The following ZNF536 variants were observed in gnomAD, a reference collection of about 807,000 sequenced individuals.
ZNF536 encodes zinc finger protein 536.
ZNF536 carries 13 observed loss-of-function variants against 84.5 expected under a neutral mutation model. That is an observed-to-expected ratio of 0.15 (90% CI 0.10 to 0.24). The LOEUF (loss-of-function observed/expected upper bound fraction) is 0.24. ZNF536 is among the 10% of genes least tolerant of loss of function. The pLI is 1.00. For missense variants in ZNF536, 1,536 were observed against 1,747.5 expected (o/e 0.88, Z 2.16); for synonymous variants, 811 against 742.5 (o/e 1.09, Z -1.50).
rs2146228979 is a variant in ZNF536, at chr19:30,548,966, G to A, written c.3347G>A (p.Gly1116Asp). The A allele has an allele frequency of 2.5e-6, 4 of 1,614,110 alleles. No individual in the cohort carries two copies. Among genetic ancestry groups the A allele is most frequent in the Non-Finnish European group, 3.4e-6 (4 of 1,180,028 alleles). The change falls in exon 4 of 5, where the codon GGT (glycine) becomes GAT (aspartate). Residue 1116 changes from glycine to aspartate, a missense_variant. By Grantham distance (94) the Gly-to-Asp change is moderately conservative (BLOSUM62 -1). Around this residue, in one of 8 missense-constraint regions of ZNF536, gnomAD observed 624 missense variants for 603.1 expected, o/e 1.03. Transcript: ENST00000355537. ...NFPSDFYKQF[G>D]VYPGMVGSGA... ...CCATCAGACTTCTACAAGCAGTTTG[G>A]TGTTTACCCAGGCATGGTTGGCTCA...
chr19:30,245,169 C>T (rs971725098), intron 1 of ZNF536, among the ~76,000 whole-genome samples: 2 of 152,224 alleles, frequency 1.3e-5, no homozygotes, highest in African/African-American at 2.4e-5. Context: ...CTCATCCTCA[C>T]CTTTTACCTG....
chr19:30,633,405 C>G (rs528400851), intron 1 of ZNF536, among the ~76,000 whole-genome samples: 7 of 152,170 alleles, frequency 4.6e-5, no homozygotes, highest in African/African-American at 1.7e-4. Context: ...AAATATTTAA[C>G]TTTTTTTATA....
At chr19:30,458,606 C>G (rs568562136) in intron 2 of ZNF536, among the ~76,000 whole-genome samples, 4 of 152,064 alleles carry the variant, frequency 2.6e-5, no homozygotes, top group Non-Finnish European at 5.9e-5. Context: ...GCATATGCCA[C>G]CACACCAGGC....
chr19:30,540,691 C>T lies in ZNF536; in HGVS notation c.2323+5692C>T, dbSNP rs562793245. 2.0e-5 allele frequency among the ~76,000 whole-genome samples: 3 copies of T among 152,352 alleles called. No individual in the cohort carries two copies. The East Asian group carries it at 5.8e-4, about 29-fold the overall frequency. ...GCCTAATTCAGAATCTCATTCTCTTCACCGCTGCATTGTATTGCTACTTTT... is the reference window on the plus strand; with the variant it reads ...GCCTAATTCAGAATCTCATTCTCTTTACCGCTGCATTGTATTGCTACTTTT... On this transcript the variant is annotated intron_variant, in intron 3 of 4. Coordinates refer to ENST00000355537, the MANE Select transcript of ZNF536 (RefSeq NM_014717.3).
intron 2 of ZNF536, among the ~76,000 whole-genome samples, chr19:30,480,941 A>T (rs2054056997): frequency 6.6e-6 from 1 of 151,524 alleles, no homozygotes; most frequent in Non-Finnish European, 1.5e-5. Flanking sequence ...AGGCTGAGGC[A>T]GGAGAGTCGC....
At chr19:30,346,048 A>T (rs1430184867) in intron 2 of ZNF536, among the ~76,000 whole-genome samples, 1 of 152,200 alleles carries the variant, frequency 6.6e-6, no homozygotes, top group African/African-American at 2.4e-5. Context: ...TAAGTCTTCC[A>T]TGCCACTATG....
At chr19:30,696,365 T>G (rs968180826) in intron 1 of ZNF536, among the ~76,000 whole-genome samples, 2 of 152,150 alleles carry the variant, frequency 1.3e-5, no homozygotes, top group Non-Finnish European at 2.9e-5. Flanking sequence ...AAAGACTAAA[T>G]GCACTCACCC....
intron 1 of ZNF536, among the ~76,000 whole-genome samples, chr19:30,589,423 T>C (rs529019777): frequency 6.6e-6 from 1 of 152,336 alleles, no homozygotes; most frequent in Admixed American, 6.5e-5. Flanking sequence ...GAGGGTTTTC[T>C]TTTCTTTTGA....
intron 1 of ZNF536, among the ~76,000 whole-genome samples, chr19:30,661,064 T>G (rs1333340211): frequency 6.6e-6 from 1 of 152,186 alleles, no homozygotes; most frequent in Non-Finnish European, 1.5e-5. Context: ...GTGATCGGAA[T>G]TTTGGAAGTC....
chr19:30,433,008 C>T (rs559593174), intron 1 of ZNF536, among the ~76,000 whole-genome samples: 5 of 152,262 alleles, frequency 3.3e-5, no homozygotes, highest in East Asian at 1.9e-4. Context: ...CTTCTTGAGC[C>T]GCTGTTTTGC....
At chr19:30,406,008 C>T (rs2050248364) in intron 1 of ZNF536, among the ~76,000 whole-genome samples, 1 of 152,170 alleles carries the variant, frequency 6.6e-6, no homozygotes, top group Non-Finnish European at 1.5e-5. Flanking sequence ...AACTCCTGAC[C>T]TCAGGAGATC....
intron 1 of ZNF536, among the ~76,000 whole-genome samples, chr19:30,274,043 T>C (rs1042076299): frequency 1.3e-5 from 2 of 152,196 alleles, no homozygotes; most frequent in Non-Finnish European, 2.9e-5. Context: ...CATATATAAC[T>C]TGAATAACCA....
At chr19:30,316,117 T>A (rs2046670594) in intron 2 of ZNF536, among the ~76,000 whole-genome samples, 1 of 152,232 alleles carries the variant, frequency 6.6e-6, no homozygotes, top group Non-Finnish European at 1.5e-5. Flanking sequence ...TTTGGGTATT[T>A]CTGTAGGATA....
chr19:30,526,107 C>T (rs998256280), intron 2 of ZNF536, among the ~76,000 whole-genome samples: 2 of 152,144 alleles, frequency 1.3e-5, no homozygotes, highest in Non-Finnish European at 2.9e-5. Flanking sequence ...GGGGTGGGCT[C>T]CAGCCCACAG....
intron 1 of ZNF536, among the ~76,000 whole-genome samples, chr19:30,601,720 C>T (rs968957872): frequency 7.9e-5 from 12 of 152,250 alleles, no homozygotes; most frequent in South Asian, 4.2e-4. Flanking sequence ...GGGAACCAGC[C>T]GAGAAGCCTG....
chr19:30,677,910 G>A (rs549894126), intron 1 of ZNF536, among the ~76,000 whole-genome samples: 20 of 152,110 alleles, frequency 1.3e-4, no homozygotes, highest in Admixed American at 5.9e-4. Flanking sequence ...TGAACGGGAG[G>A]CACCCTGATG....
intron 2 of ZNF536, among the ~76,000 whole-genome samples, chr19:30,534,152 A>T (rs947356307): frequency 1.3e-5 from 2 of 152,216 alleles, no homozygotes; most frequent in Non-Finnish European, 2.9e-5. Context: ...TCACTGCAAA[A>T]AGATGTGTCT....
At chr19:30,226,618 G>C (rs1312644719), upstream of ZNF536, among the ~76,000 whole-genome samples, 12 of 152,210 alleles carry the variant, frequency 7.9e-5, no homozygotes, top group South Asian at 2.3e-3. This position sits in a 1 kb window ranked among gnomAD's most constrained non-coding sequence, Gnocchi z 4.6. Context: ...GGCGGCGCCC[G>C]CAGCACCTGC....
chr19:30,483,747 A>C (rs553575078), intron 2 of ZNF536, among the ~76,000 whole-genome samples: 4 of 152,136 alleles, frequency 2.6e-5, no homozygotes, highest in South Asian at 2.1e-4. Context: ...AGCCAACCTG[A>C]TCATGTCACT....
Sources: gnomAD v4.1 joint callset for allele counts (sites outside exome capture counted in the v4.1 genomes callset) on GRCh38, gnomAD v4.1.1 for gene constraint, gnomAD v4.1.1 regional missense constraint, Gnocchi (gnomAD v3.1) non-coding constraint, MANE v1.5 for transcripts, NCBI Gene and HGNC (gene_info 2026-07-23, HGNC 2026-07-21) for gene names.